ASIC2: variants seen among roughly 807,000 people sequenced by gnomAD.
ASIC2 encodes the protein acid sensing ion channel subunit 2.
A neutral mutation model predicts 57.3 loss-of-function variants in ASIC2; 25 were observed. That is an observed-to-expected ratio of 0.44 (90% CI 0.32 to 0.61). The LOEUF (loss-of-function observed/expected upper bound fraction) is 0.61. ASIC2 is among the 20% of genes least tolerant of loss of function. The pLI is 0.06. For missense variants in ASIC2, 641 were observed against 738.1 expected (o/e 0.87, Z 1.52); for synonymous variants, 319 against 307.5 (o/e 1.04, Z -0.39).
At chr17:33,181,206 TTGGAGGAGTCC>T (rs1481251984) in intron 1 of ASIC2, among the ~76,000 whole-genome samples, 3 of 152,152 alleles carry the variant, frequency 2.0e-5, no homozygotes, top group African/African-American at 7.2e-5. Context: ...CTGTGAGCTC[TTGGAGGAGTCC>T]TTTACCCTCT....
At chr17:33,329,142 T>C (rs1365722250) in intron 1 of ASIC2, among the ~76,000 whole-genome samples, 1 of 151,978 alleles carries the variant, frequency 6.6e-6, no homozygotes, top group African/African-American at 2.4e-5. Context: ...GTTGATAGAG[T>C]AGCTGCAGGT....
intron 1 of ASIC2, among the ~76,000 whole-genome samples, chr17:33,465,150 CT>C (rs1912819097): frequency 6.6e-6 from 1 of 152,142 alleles, no homozygotes; most frequent in Non-Finnish European, 1.5e-5. Flanking sequence ...ATATTTCATG[CT>C]GGCTTCTAGC....
intron 1 of ASIC2, among the ~76,000 whole-genome samples, chr17:33,118,325 G>A (rs2092288707): frequency 6.6e-6 from 1 of 152,124 alleles, no homozygotes; most frequent in African/African-American, 2.4e-5. Flanking sequence ...ATCTGCTATC[G>A]TTAACTTTTG....
At chr17:33,952,126 AAGAGAATGAG>A (rs1185831403) in intron 1 of ASIC2, among the ~76,000 whole-genome samples, 4 of 152,184 alleles carry the variant, frequency 2.6e-5, no homozygotes, top group African/African-American at 7.2e-5. Flanking sequence ...GGGAGAGAGA[AAGAGAATGAG>A]AGAGAATGAG....
intron 1 of ASIC2, among the ~76,000 whole-genome samples, chr17:33,308,246 A>G (rs958407179): frequency 6.6e-6 from 1 of 152,184 alleles, no homozygotes. Flanking sequence ...TCTTTCACTG[A>G]TGGCAAATTT....
intron 1 of ASIC2, among the ~76,000 whole-genome samples, chr17:33,373,053 A>C (rs1909141133): frequency 6.6e-6 from 1 of 152,178 alleles, no homozygotes; most frequent in African/African-American, 2.4e-5. Flanking sequence ...GATAAGCAGA[A>C]AGGGAATGGC....
chr17:33,195,892 AT>A (rs1256765948), intron 1 of ASIC2, among the ~76,000 whole-genome samples: 12 of 152,324 alleles, frequency 7.9e-5, no homozygotes, highest in Admixed American at 7.8e-4. Context: ...AGTCTGGATC[AT>A]CAAGGAATTC....
chr17:33,846,665 A>G (rs1294984892), intron 1 of ASIC2, among the ~76,000 whole-genome samples: 1 of 152,130 alleles, frequency 6.6e-6, no homozygotes, highest in Non-Finnish European at 1.5e-5. Flanking sequence ...CCCACACACA[A>G]TAACACCGTC....
chr17:33,238,764 G>A (rs539883484), intron 1 of ASIC2, among the ~76,000 whole-genome samples: 6 of 152,268 alleles, frequency 3.9e-5, no homozygotes, highest in East Asian at 3.9e-4. Flanking sequence ...GGCCGGGAGC[G>A]GTAGCTCATG....
At chr17:33,987,653 C>T (rs1041707207) in intron 1 of ASIC2, among the ~76,000 whole-genome samples, 4 of 151,302 alleles carry the variant, frequency 2.6e-5, no homozygotes, top group African/African-American at 9.9e-5. Flanking sequence ...AACCAACCAA[C>T]TAACCAACCA....
At chr17:33,524,460 T>A (rs529907932) in intron 1 of ASIC2, among the ~76,000 whole-genome samples, 1 of 152,308 alleles carries the variant, frequency 6.6e-6, no homozygotes, top group Admixed American at 6.5e-5. Flanking sequence ...CATACAGGTA[T>A]GATGGAAATG....
chr17:34,045,758 G>T (rs955111997), intron 1 of ASIC2, among the ~76,000 whole-genome samples: 6 of 152,172 alleles, frequency 3.9e-5, no homozygotes, highest in African/African-American at 1.2e-4. Context: ...GGAGAGAAGG[G>T]CAGGAAGAAG....
At chr17:33,875,353 T>C (rs1914521790) in intron 1 of ASIC2, among the ~76,000 whole-genome samples, 1 of 152,222 alleles carries the variant, frequency 6.6e-6, no homozygotes. Flanking sequence ...CAGATCGCCA[T>C]CCCAGCATCC....
intron 1 of ASIC2, among the ~76,000 whole-genome samples, chr17:33,860,989 G>A (rs1914087070): frequency 6.6e-6 from 1 of 152,114 alleles, no homozygotes; most frequent in Non-Finnish European, 1.5e-5. Flanking sequence ...GTAAAAATTT[G>A]CACTGTCCTT....
At chr17:33,443,542 T>C (rs2141985496) in intron 1 of ASIC2, among the ~76,000 whole-genome samples, 1 of 146,860 alleles carries the variant, frequency 6.8e-6, no homozygotes, top group South Asian at 2.2e-4. Flanking sequence ...GCCTCCCAAG[T>C]AGCTGGGACT....
At chr17:33,637,011 C>T (rs866761494) in intron 1 of ASIC2, among the ~76,000 whole-genome samples, 51 of 152,070 alleles carry the variant, frequency 3.4e-4, no homozygotes, top group African/African-American at 1.0e-3. Context: ...TCTTTCTCCC[C>T]TTCCTCCTTC....
intron 1 of ASIC2, among the ~76,000 whole-genome samples, chr17:33,749,456 C>T (rs142945602): frequency 2.0e-5 from 3 of 152,172 alleles, no homozygotes; most frequent in African/African-American, 7.2e-5. Context: ...AGCCCCTGTT[C>T]CTCTCCTCTA....
At chr17:33,537,380 A>C (rs780202905) in intron 1 of ASIC2, among the ~76,000 whole-genome samples, 6 of 152,128 alleles carry the variant, frequency 3.9e-5, no homozygotes, top group African/African-American at 1.4e-4. Flanking sequence ...AGCTATCTAA[A>C]ATAGTCACCT....
intron 1 of ASIC2, among the ~76,000 whole-genome samples, chr17:33,865,188 A>T (rs1484336574): frequency 1.3e-5 from 2 of 152,208 alleles, no homozygotes; most frequent in Non-Finnish European, 2.9e-5. Flanking sequence ...TGCAGGACAC[A>T]CATCAACACC....
Sources: allele counts gnomAD v4.1 joint callset (sites outside exome capture counted in the v4.1 genomes callset), GRCh38; gene constraint gnomAD v4.1.1; transcripts MANE v1.5; gene names NCBI Gene and HGNC (gene_info 2026-07-23, HGNC 2026-07-21).